SLC44A5: variants seen among roughly 807,000 people sequenced by gnomAD.
SLC44A5 encodes the protein choline transporter-like protein 5.
In SLC44A5, 57 loss-of-function variants were observed where a neutral mutation model predicts 101.8. The observed-to-expected ratio is 0.56, with a 90% confidence interval of 0.45 to 0.70. SLC44A5 has a LOEUF of 0.70. Ranked by LOEUF, SLC44A5 falls within the 30% of genes least tolerant of loss-of-function variation. The pLI is 0.00. For missense variants in SLC44A5, 737 were observed against 853.1 expected (o/e 0.86, Z 1.70); for synonymous variants, 281 against 290.9 (o/e 0.97, Z 0.35).
At chr1:75,646,418 A>G in the SLC44A5 span, among the ~76,000 whole-genome samples, 1 of 152,116 alleles carries the variant, frequency 6.6e-6, no homozygotes, top group Non-Finnish European at 1.5e-5. Flanking sequence ...TTCACTCATG[A>G]TTTCAATAAG....
At chr1:75,572,323 G>A (rs1242480443) in intron 1 of SLC44A5, among the ~76,000 whole-genome samples, 3 of 152,078 alleles carry the variant, frequency 2.0e-5, no homozygotes, top group Non-Finnish European at 4.4e-5. Flanking sequence ...GGAACTGAAT[G>A]GATTCAGAAC....
At chr1:75,208,370 G>A (rs1646788787) in intron 23 of SLC44A5, among the ~76,000 whole-genome samples, 1 of 152,100 alleles carries the variant, frequency 6.6e-6, no homozygotes, top group Admixed American at 6.6e-5. Flanking sequence ...TGTTGGTCAG[G>A]CTGGTCTCGA....
the SLC44A5 span, among the ~76,000 whole-genome samples, chr1:75,638,473 T>A: frequency 1.1e-4 from 16 of 152,106 alleles, no homozygotes; most frequent in African/African-American, 3.6e-4. Flanking sequence ...AGTTCAACAC[T>A]GTCCCATGAG....
rs1651811532 is a variant in SLC44A5, at chr1:75,275,046, C to T, written c.176-4G>A. The stretch of plus-strand genomic sequence containing the variant: ...CTGGGGTCCCCATGTACCCAGGCTG[C>T]AGGAACAAGAAAGGACAAATATGCT... On this transcript the variant is annotated splice_region_variant and splice_polypyrimidine_tract_variant and intron_variant, in intron 5 of 23. Transcript: ENST00000370859. The T allele has an allele frequency of 6.2e-7, 1 of 1,611,468 alleles. No individual in the cohort carries two copies.
intron 7 of SLC44A5, among the ~76,000 whole-genome samples, chr1:75,243,765 T>C (rs966432575): frequency 3.3e-5 from 5 of 152,012 alleles, no homozygotes; most frequent in Non-Finnish European, 7.4e-5. Context: ...TGATCCCCAG[T>C]GTTGGAGATG....
intron 2 of SLC44A5, among the ~76,000 whole-genome samples, chr1:75,530,672 C>T (rs145876554): frequency 6.6e-6 from 1 of 152,140 alleles, no homozygotes; most frequent in African/African-American, 2.4e-5. Context: ...CTCAGTACTA[C>T]CTCCCGACTT....
intron 2 of SLC44A5, among the ~76,000 whole-genome samples, chr1:75,411,783 C>G (rs1196510094): frequency 6.6e-6 from 1 of 152,076 alleles, no homozygotes; most frequent in Non-Finnish European, 1.5e-5. Context: ...AATAGGACTT[C>G]TCTTTTCTGG....
At chr1:75,219,776 A>C in intron 15 of SLC44A5, 24 bp downstream of exon 15, 1 of 1,522,882 alleles carries the variant, frequency 6.6e-7, no homozygotes, top group Non-Finnish European at 9.1e-7. Flanking sequence ...CTGAGGTTTA[A>C]AGAGGCCAAT....
the SLC44A5 span, among the ~76,000 whole-genome samples, chr1:75,717,057 T>C: frequency 1.9e-4 from 29 of 149,460 alleles, no homozygotes; most frequent in Admixed American, 1.3e-3. Context: ...AATAAAAAAA[T>C]AAAATATGGT....
the SLC44A5 span, among the ~76,000 whole-genome samples, chr1:75,672,760 C>G: frequency 1.3e-5 from 2 of 152,152 alleles, no homozygotes; most frequent in Non-Finnish European, 2.9e-5. Flanking sequence ...TTGATACCAC[C>G]TCAGCCGCAG....
intron 6 of SLC44A5, among the ~76,000 whole-genome samples, chr1:75,260,193 G>A (rs1650370754): frequency 6.6e-6 from 1 of 152,090 alleles, no homozygotes; most frequent in African/African-American, 2.4e-5. Flanking sequence ...AACCTTAAAT[G>A]TAAATGGGCT....
At chr1:75,242,407 A>G (rs1306355865) in intron 8 of SLC44A5, among the ~76,000 whole-genome samples, 2 of 151,642 alleles carry the variant, frequency 1.3e-5, no homozygotes, top group African/African-American at 4.8e-5. Flanking sequence ...TTTAGAAACC[A>G]TTCATATTAT....
chr1:75,572,495 A>C (rs187618328), intron 1 of SLC44A5, among the ~76,000 whole-genome samples: 3 of 152,350 alleles, frequency 2.0e-5, no homozygotes, highest in Admixed American at 2.0e-4. Context: ...AGAGAAGGAA[A>C]TATATTACTA....
At chr1:75,646,633 T>G in the SLC44A5 span, among the ~76,000 whole-genome samples, 1 of 152,166 alleles carries the variant, frequency 6.6e-6, no homozygotes, top group Non-Finnish European at 1.5e-5. Context: ...CTGCATGCTC[T>G]TCTCATGATA....
chr1:75,474,458 C>G (rs1376855356), intron 2 of SLC44A5, among the ~76,000 whole-genome samples: 1 of 152,130 alleles, frequency 6.6e-6, no homozygotes, highest in Non-Finnish European at 1.5e-5. Context: ...CACCTCAATG[C>G]CAATATTCTC....
At chr1:75,602,860 G>A (rs926927469) in intron 1 of SLC44A5, among the ~76,000 whole-genome samples, 2 of 152,064 alleles carry the variant, frequency 1.3e-5, no homozygotes, top group African/African-American at 4.8e-5. Flanking sequence ...ACGTACAAAT[G>A]TATATAATCA....
the SLC44A5 span, among the ~76,000 whole-genome samples, chr1:75,624,996 G>C: frequency 6.6e-6 from 1 of 151,996 alleles, no homozygotes; most frequent in Non-Finnish European, 1.5e-5. Flanking sequence ...CATTGACACA[G>C]GGCTTCTCTC....
At chr1:75,448,123 A>T (rs1412410057) in intron 2 of SLC44A5, among the ~76,000 whole-genome samples, 1 of 152,210 alleles carries the variant, frequency 6.6e-6, no homozygotes, top group Non-Finnish European at 1.5e-5. Flanking sequence ...CACCATCTGA[A>T]ACAATTTGGC....
At chr1:75,349,221 C>A (rs578195727) in intron 3 of SLC44A5, among the ~76,000 whole-genome samples, 1 of 152,230 alleles carries the variant, frequency 6.6e-6, no homozygotes, top group Admixed American at 6.5e-5. Context: ...CACCTGTAGT[C>A]CCAGCGGCTT....
Sources: allele counts gnomAD v4.1 joint callset (sites outside exome capture counted in the v4.1 genomes callset), GRCh38; gene constraint gnomAD v4.1.1; transcripts MANE v1.5; gene names NCBI Gene and HGNC (gene_info 2026-07-23, HGNC 2026-07-21).